MAPRE2: variants seen among roughly 807,000 people sequenced by gnomAD.
The protein encoded by MAPRE2 is microtubule associated protein RP/EB family member 2, also known as microtubule-associated protein RP/EB family member 2.
MAPRE2 carries 13 observed loss-of-function variants against 43.2 expected under a neutral mutation model. That is an observed-to-expected ratio of 0.30 (90% confidence interval 0.20 to 0.48). MAPRE2 has a LOEUF of 0.48. MAPRE2 is among the 20% of genes least tolerant of loss of function. The pLI is 0.99. For synonymous variants in MAPRE2, 135 were observed against 148.8 expected, an observed-to-expected ratio of 0.91 and a Z score of 0.68; for missense variants, 161 against 400.2, an observed-to-expected ratio of 0.40 and a Z score of 5.10.
chr18:34,996,498 T>C (rs960007396), intron 1 of MAPRE2, among the ~76,000 whole-genome samples: 2 of 152,148 alleles, frequency 1.3e-5, no homozygotes, highest in African/African-American at 4.8e-5. Context: ...CTGTGTCTTG[T>C]TCACCCTTAG....
intron 2 of MAPRE2, among the ~76,000 whole-genome samples, chr18:35,072,207 C>A (rs926195913): frequency 2.6e-5 from 4 of 152,220 alleles, no homozygotes; most frequent in African/African-American, 7.2e-5. Context: ...CTGTTATTAG[C>A]AATCACTTTG....
chr18:35,106,880 T>C (rs773318367), intron 4 of MAPRE2, among the ~76,000 whole-genome samples: 3 of 152,174 alleles, frequency 2.0e-5, no homozygotes, highest in Non-Finnish European at 4.4e-5. Context: ...ATGATAGATA[T>C]ATAAGTACAT....
chr18:35,040,216 TA>T (rs879483269), upstream of MAPRE2, among the ~76,000 whole-genome samples: 3 of 149,566 alleles, frequency 2.0e-5, no homozygotes, highest in Non-Finnish European at 3.0e-5. Context: ...AAAATAATAA[TA>T]AAAAAAAAAT....
At chr18:35,133,972 T>C (rs1910278329) in intron 6 of MAPRE2, among the ~76,000 whole-genome samples, 1 of 152,182 alleles carries the variant, frequency 6.6e-6, no homozygotes, top group Non-Finnish European at 1.5e-5. Context: ...GCAATGTACA[T>C]GCAACTAAAA....
At chr18:35,046,568 G>A (rs1905632358) in intron 1 of MAPRE2, among the ~76,000 whole-genome samples, 1 of 152,132 alleles carries the variant, frequency 6.6e-6, no homozygotes, top group African/African-American at 2.4e-5. Flanking sequence ...GTTGGAACTT[G>A]GAAATAAGAA....
At chr18:35,058,302 AT>A (rs1369046450) in intron 1 of MAPRE2, among the ~76,000 whole-genome samples, 2 of 152,106 alleles carry the variant, frequency 1.3e-5, no homozygotes, top group Admixed American at 1.3e-4. Flanking sequence ...TTCCATTTTC[AT>A]TTCAAAATGT....
intron 4 of MAPRE2, among the ~76,000 whole-genome samples, chr18:35,109,972 G>A (rs577665555): frequency 3.2e-4 from 49 of 151,898 alleles, no homozygotes; most frequent in Admixed American, 8.5e-4. Context: ...TTTACTTACC[G>A]CCTTTTAAAC....
At chr18:35,064,448 G>A (rs1433112691) in intron 1 of MAPRE2, among the ~76,000 whole-genome samples, 1 of 152,056 alleles carries the variant, frequency 6.6e-6, no homozygotes, top group African/African-American at 2.4e-5. Context: ...GCAAGGGGTG[G>A]GGCAGGGCAG....
At chr18:35,097,353 G>A (rs898481759) in intron 2 of MAPRE2, 93 bp from the exon 3 acceptor site, 2 of 1,102,222 alleles carry the variant, frequency 1.8e-6, no homozygotes, top group Non-Finnish European at 2.7e-6. Context: ...TGATGATGGT[G>A]CCTGTAAGGA....
chr18:35,048,064 A>T (rs1399234128), intron 1 of MAPRE2, among the ~76,000 whole-genome samples: 1 of 152,214 alleles, frequency 6.6e-6, no homozygotes, highest in African/African-American at 2.4e-5. Flanking sequence ...ACAGTTCTGC[A>T]GGCTGTATAG....
intron 2 of MAPRE2, among the ~76,000 whole-genome samples, chr18:35,023,805 A>T (rs370844491): frequency 2.6e-5 from 4 of 152,252 alleles, no homozygotes; most frequent in African/African-American, 9.6e-5. Context: ...GAAGCCACTG[A>T]CTAAATGATG....
At chr18:35,054,456 C>G (rs1290597768) in intron 1 of MAPRE2, among the ~76,000 whole-genome samples, 3 of 152,142 alleles carry the variant, frequency 2.0e-5, no homozygotes. Context: ...ATTTTATTGC[C>G]AAAAGGTTCA....
intron 2 of MAPRE2, among the ~76,000 whole-genome samples, chr18:35,019,745 T>C (rs1050063698): frequency 6.6e-6 from 1 of 152,060 alleles, no homozygotes; most frequent in Non-Finnish European, 1.5e-5. Flanking sequence ...GCCTGAAACT[T>C]ATAGATCATA....
intron 4 of MAPRE2, among the ~76,000 whole-genome samples, chr18:35,126,704 A>C (rs1194839307): frequency 6.6e-6 from 1 of 152,044 alleles, no homozygotes; most frequent in African/African-American, 2.4e-5. Flanking sequence ...AATGGCATTA[A>C]CCTCATGTTA....
intron 2 of MAPRE2, among the ~76,000 whole-genome samples, chr18:35,012,377 G>T (rs1170072838): frequency 6.6e-6 from 1 of 152,034 alleles, no homozygotes; most frequent in Non-Finnish European, 1.5e-5. Context: ...GAATGAGAAA[G>T]GGAGTCCAGA....
At chr18:35,004,949 T>C (rs1603389130) in intron 1 of MAPRE2, among the ~76,000 whole-genome samples, 1 of 151,926 alleles carries the variant, frequency 6.6e-6, no homozygotes, top group Non-Finnish European at 1.5e-5. Context: ...GAAAGTAAAT[T>C]ACTAAATTAC....
intron 1 of MAPRE2, among the ~76,000 whole-genome samples, chr18:35,063,507 A>T (rs1906665558): frequency 6.6e-6 from 1 of 150,948 alleles, no homozygotes; most frequent in Non-Finnish European, 1.5e-5. Flanking sequence ...AAGGAGAAGA[A>T]GGTAGCTTAA....
chr18:35,119,480 G>A (rs1173023643), intron 4 of MAPRE2, among the ~76,000 whole-genome samples: 1 of 152,118 alleles, frequency 6.6e-6, no homozygotes, highest in African/African-American at 2.4e-5. Flanking sequence ...ATTCCACAAG[G>A]ACAAGCATCT....
chr18:34,993,544 A>G (rs1480222331), intron 1 of MAPRE2, among the ~76,000 whole-genome samples: 1 of 152,206 alleles, frequency 6.6e-6, no homozygotes, highest in East Asian at 1.9e-4. Flanking sequence ...TTAAGACTGT[A>G]GTTGAGTCAT....
Sources: gnomAD v4.1 joint callset for allele counts (sites outside exome capture counted in the v4.1 genomes callset) on GRCh38, gnomAD v4.1.1 for gene constraint, MANE v1.5 for transcripts, NCBI Gene and HGNC (gene_info 2026-07-23, HGNC 2026-07-21) for gene names.